The following EPHB1 variants were observed in gnomAD, a reference collection of about 807,000 sequenced individuals.
EPHB1 encodes ephrin type-B receptor 1.
Under a neutral mutation model 94.4 loss-of-function variants are expected in EPHB1, and 30 were observed. That is an observed-to-expected ratio of 0.32 (90% confidence interval 0.24 to 0.43). The LOEUF is 0.43. Ranked by LOEUF, EPHB1 falls within the 20% of genes least tolerant of loss-of-function variation. The pLI is 1.00. For missense variants in EPHB1, 1,055 were observed against 1,308.3 expected, an observed-to-expected ratio of 0.81 and a Z score of 2.99; for synonymous variants, 522 against 489.1, an observed-to-expected ratio of 1.07 and a Z score of -0.89.
At chr3:135,194,501 C>T (rs191843174) in intron 11 of EPHB1, among the ~76,000 whole-genome samples, 1 of 152,260 alleles carries the variant, frequency 6.6e-6, no homozygotes, top group East Asian at 1.9e-4. Flanking sequence ...AACAGCGAAA[C>T]AGTGTATATG....
At chr3:135,235,488 T>C (rs1447541756) in intron 12 of EPHB1, among the ~76,000 whole-genome samples, 2 of 152,176 alleles carry the variant, frequency 1.3e-5, no homozygotes, top group Non-Finnish European at 2.9e-5. Flanking sequence ...CTCCAGCCAG[T>C]AGCTGTGACT....
rs932646420 is a variant in EPHB1 at position 135,004,691 on chromosome 3, C to T, written c.805+52639C>T. Among the ~76,000 whole-genome samples the T allele has an allele frequency of 4.0e-5, 6 of 151,576 alleles. No individual in the cohort carries two copies. The East Asian group carries it at 5.8e-4, about 15-fold the overall frequency. ...TCTTTTTTCTCTAAACTTCCCTTCT[C>T]GCTTCATTTCATTCATTTCATCTTC... is the stretch of plus-strand genomic sequence containing the variant. On this transcript the variant is annotated intron_variant, in intron 3 of 15. Transcript: ENST00000398015.
intron 3 of EPHB1, among the ~76,000 whole-genome samples, chr3:135,019,288 T>A (rs1398021697): frequency 6.6e-6 from 1 of 152,030 alleles, no homozygotes; most frequent in Non-Finnish European, 1.5e-5. Context: ...GGAGCATGTA[T>A]CTGGGGTCCC....
intron 12 of EPHB1, among the ~76,000 whole-genome samples, chr3:135,215,706 A>T (rs981485514): frequency 3.9e-5 from 6 of 152,212 alleles, no homozygotes; most frequent in African/African-American, 1.2e-4. Context: ...TGTGGTTCTC[A>T]TGCTTCCCTG....
intron 2 of EPHB1, among the ~76,000 whole-genome samples, chr3:134,948,305 T>C (rs2039253046): frequency 1.3e-5 from 2 of 149,844 alleles, no homozygotes; most frequent in Admixed American, 1.3e-4. Context: ...ATGAGACTGT[T>C]GTGTTTCAAC....
In EPHB1 at chr3:135,132,817, C is replaced by T. The variant is rs372552203; in HGVS notation, c.1065C>T (p.Thr355=). The T allele has an allele frequency of 4.8e-5, 77 of 1,614,008 alleles. 1 individual carries two copies. In the South Asian group the frequency reaches 7.5e-4, roughly 16 times the overall value. ...AGACAGGTGGGCGGGATGATGTGACCTACAACATCATCTGCAAAAAGTGCC... is the reference window on the plus strand; with the variant it reads ...AGACAGGTGGGCGGGATGATGTGACTTACAACATCATCTGCAAAAAGTGCC... ...PRETGGRDDV[T]YNIICKKCRA... is the part of the protein sequence containing the mutation. The change falls in exon 5 of 16, where the codon ACC becomes ACT. Residue 355 remains threonine, a synonymous_variant. Coordinates refer to ENST00000398015, the MANE Select transcript of EPHB1 (RefSeq NM_004441.5).
At chr3:135,076,195 A>T (rs1489484419) in intron 3 of EPHB1, among the ~76,000 whole-genome samples, 2 of 148,334 alleles carry the variant, frequency 1.3e-5, no homozygotes, top group African/African-American at 2.6e-5. Context: ...GGTAAATTGG[A>T]TTCGAGAAAA....
chr3:135,025,672 T>C lies in EPHB1; in HGVS notation c.805+73620T>C, dbSNP rs1322258763. On this transcript the variant is annotated intron_variant, in intron 3 of 15. Coordinates refer to ENST00000398015, the MANE Select transcript of EPHB1 (RefSeq NM_004441.5). ...ATTGTGAATAATGCCGCAATAAACATACGTGTGCATGTGTCTTTATAGCAG... is the reference window on the plus strand; with the variant it reads ...ATTGTGAATAATGCCGCAATAAACACACGTGTGCATGTGTCTTTATAGCAG... 1.1e-4 allele frequency among the ~76,000 whole-genome samples: 5 copies of C among 44,846 alleles called. 1 individual carries two copies. The highest frequency in any genetic ancestry group is 2.9e-4 in the African/African-American group (5 of 17,520). The allele number at this position is 44,846 out of a possible 152,430, so 29.4% of individuals were successfully genotyped here. A position where few individuals can be genotyped will look rare whatever the true frequency, so the allele number is the denominator to read the frequency against.
intron 3 of EPHB1, among the ~76,000 whole-genome samples, chr3:134,981,035 G>C (rs1257171818): frequency 6.6e-6 from 1 of 152,058 alleles, no homozygotes; most frequent in Admixed American, 6.5e-5. Flanking sequence ...GGGCAAGCAG[G>C]GTATCAGACC....
intron 3 of EPHB1, among the ~76,000 whole-genome samples, chr3:135,058,687 A>T (rs902369909): frequency 3.3e-5 from 5 of 152,230 alleles, no homozygotes; most frequent in African/African-American, 4.8e-5. Context: ...TTCCTTCAAC[A>T]TTGACTGTTC....
At chr3:134,950,109 AT>A (rs1444699634) in intron 2 of EPHB1, among the ~76,000 whole-genome samples, 23 of 152,208 alleles carry the variant, frequency 1.5e-4, no homozygotes, top group Admixed American at 4.6e-4. Flanking sequence ...TCATCTGTAA[AT>A]TGGGGATAAT....
At chr3:135,204,739 G>C (rs1489532344) in intron 12 of EPHB1, among the ~76,000 whole-genome samples, 1 of 151,684 alleles carries the variant, frequency 6.6e-6, no homozygotes, top group Non-Finnish European at 1.5e-5. Flanking sequence ...CTGGCCTCAA[G>C]TGATTTGCCC....
At chr3:134,921,183 T>G (rs2038678270) in intron 1 of EPHB1, among the ~76,000 whole-genome samples, 1 of 152,184 alleles carries the variant, frequency 6.6e-6, no homozygotes, top group Admixed American at 6.5e-5. Flanking sequence ...CTCTCCCATC[T>G]GCTTGGGATG....
At chr3:135,207,239 G>A (rs1942921692) in intron 12 of EPHB1, among the ~76,000 whole-genome samples, 2 of 152,138 alleles carry the variant, frequency 1.3e-5, no homozygotes, top group African/African-American at 4.8e-5. Flanking sequence ...ATGTTTCTAG[G>A]CCTAAGAGTT....
At chr3:134,946,545 G>C (rs2039220928) in intron 2 of EPHB1, among the ~76,000 whole-genome samples, 1 of 152,106 alleles carries the variant, frequency 6.6e-6, no homozygotes, top group Non-Finnish European at 1.5e-5. Flanking sequence ...TCCCCTCTCA[G>C]CTTGGAGGGT....
chr3:134,823,601 T>C (rs2036422826), intron 1 of EPHB1, among the ~76,000 whole-genome samples: 1 of 152,194 alleles, frequency 6.6e-6, no homozygotes, highest in Non-Finnish European at 1.5e-5. Context: ...AAGGCCCAGC[T>C]TGGCAGGGTA....
chr3:135,243,090 A>AAAAAAG (rs1943830747), intron 13 of EPHB1, among the ~76,000 whole-genome samples: 1 of 77,940 alleles, frequency 1.3e-5, no homozygotes, highest in Non-Finnish European at 3.0e-5. Flanking sequence ...AAAAAAAAAA[A>AAAAAAG]AAAAGAAAAG....
At chr3:135,058,983 G>A (rs1374015804) in intron 3 of EPHB1, among the ~76,000 whole-genome samples, 1 of 152,204 alleles carries the variant, frequency 6.6e-6, no homozygotes, top group African/African-American at 2.4e-5. Flanking sequence ...ATTTGGAGAA[G>A]GGGTTTTGGA....
chr3:135,140,611 A>G (rs1940786395), intron 5 of EPHB1, among the ~76,000 whole-genome samples: 1 of 152,108 alleles, frequency 6.6e-6, no homozygotes, highest in South Asian at 2.1e-4. Flanking sequence ...ATTCTCCCAG[A>G]TGTTGGTAAG....
Sources: gnomAD v4.1 joint callset for allele counts (sites outside exome capture counted in the v4.1 genomes callset) on GRCh38, gnomAD v4.1.1 for gene constraint, MANE v1.5 for transcripts, NCBI Gene and HGNC (gene_info 2026-07-23, HGNC 2026-07-21) for gene names.